MGAT4C: variants seen among roughly 807,000 people sequenced by gnomAD.
The protein encoded by MGAT4C is alpha-1,3-mannosyl-glycoprotein 4-beta-N-acetylglucosaminyltransferase C.
Under a neutral mutation model 40.1 loss-of-function variants are expected in MGAT4C, and 19 were observed. The ratio of observed to expected loss-of-function variants is 0.47; its 90% CI spans 0.33 to 0.70. The LOEUF (loss-of-function observed/expected upper bound fraction) is 0.70. Ranked by LOEUF, MGAT4C falls within the 30% of genes least tolerant of loss-of-function variation. MGAT4C has a pLI of 0.02. For synonymous variants in MGAT4C, 181 were observed against 187.1 expected, an observed-to-expected ratio of 0.97 and a Z score of 0.27; for missense variants, 491 against 563.2, an observed-to-expected ratio of 0.87 and a Z score of 1.30.
At position 85,965,424 on chromosome 12, in the gene MGAT4C, C is replaced by T. The variant is rs746553265; in HGVS notation, c.*13865G>A. 1 of 151,712 alleles carries T rather than the reference C, an allele frequency of 6.6e-6. No homozygotes were observed. Among genetic ancestry groups the T allele is most frequent in the Non-Finnish European group, 1.5e-5 (1 of 68,020 alleles). The allele number at this position is 151,712 out of a possible 1,614,324, so 9.4% of individuals were successfully genotyped here. A position where few individuals can be genotyped will look rare whatever the true frequency, so the allele number is the denominator to read the frequency against. On this transcript the variant is annotated 3_prime_UTR_variant, in exon 5 of 5. Transcript: ENST00000611864. ...CATCCTGGCTAACAAGGTGAAACCC[C>T]GTCTCTACTAAAAATACAAAAAATT... is the stretch of plus-strand genomic sequence containing the variant.
chr12:86,526,688 T>C (rs1184489899), intron 2 of MGAT4C, among the ~76,000 whole-genome samples: 1 of 152,152 alleles, frequency 6.6e-6, no homozygotes, highest in Admixed American at 6.5e-5. Flanking sequence ...ACAGTTTCCC[T>C]AGGACTAAAG....
chr12:86,621,298 C>G (rs1962628829), intron 2 of MGAT4C, among the ~76,000 whole-genome samples: 1 of 152,004 alleles, frequency 6.6e-6, no homozygotes, highest in South Asian at 2.1e-4. Context: ...AAATAGACAT[C>G]TGGACAAAAT....
chr12:86,508,600 T>G (rs755173153), intron 2 of MGAT4C, among the ~76,000 whole-genome samples: 1 of 152,032 alleles, frequency 6.6e-6, no homozygotes, highest in Non-Finnish European at 1.5e-5. Context: ...GGTCAAATGG[T>G]ATTTCTAGTT....
chr12:86,131,368 G>T (rs923662696), intron 1 of MGAT4C, among the ~76,000 whole-genome samples: 3 of 151,928 alleles, frequency 2.0e-5, no homozygotes, highest in Admixed American at 6.6e-5. Context: ...TCTTCATAGG[G>T]TGAGTTTTCT....
At chr12:86,526,233 G>A (rs976694240) in intron 2 of MGAT4C, among the ~76,000 whole-genome samples, 7 of 152,108 alleles carry the variant, frequency 4.6e-5, no homozygotes, top group African/African-American at 1.7e-4. Context: ...GCTGGCAGGA[G>A]CAGGGTTGGC....
At chr12:86,702,863 TAG>T (rs1950387631) in intron 2 of MGAT4C, among the ~76,000 whole-genome samples, 1 of 152,194 alleles carries the variant, frequency 6.6e-6, no homozygotes, top group Non-Finnish European at 1.5e-5. Flanking sequence ...ATATCTTCTA[TAG>T]AGAGAGAATC....
intron 2 of MGAT4C, among the ~76,000 whole-genome samples, chr12:86,633,923 T>A (rs1488615369): frequency 3.3e-5 from 5 of 152,034 alleles, no homozygotes. Context: ...GTTTTTTTTT[T>A]ATTATCGCAA....
intron 4 of MGAT4C, among the ~76,000 whole-genome samples, chr12:86,327,475 T>G (rs1240243809): frequency 1.3e-5 from 2 of 152,092 alleles, no homozygotes; most frequent in Non-Finnish European, 2.9e-5. Context: ...CTTAAAGCTG[T>G]GTAAACCTGG....
intron 2 of MGAT4C, among the ~76,000 whole-genome samples, chr12:86,564,232 A>G (rs1959990037): frequency 6.6e-6 from 1 of 152,172 alleles, no homozygotes; most frequent in Non-Finnish European, 1.5e-5. Context: ...CTGTAGCAGT[A>G]GTTTCATTTT....
chr12:86,194,033 G>T (rs1318349656), intron 1 of MGAT4C, among the ~76,000 whole-genome samples: 1 of 151,582 alleles, frequency 6.6e-6, no homozygotes, highest in African/African-American at 2.4e-5. Context: ...TAAACCTTTT[G>T]ATCATGTCTA....
chr12:86,186,948 G>T (rs954089494), intron 1 of MGAT4C, among the ~76,000 whole-genome samples: 5 of 152,136 alleles, frequency 3.3e-5, no homozygotes, highest in African/African-American at 9.7e-5. Context: ...TAGCAGGCCA[G>T]CTTGGCAGCC....
intron 3 of MGAT4C, among the ~76,000 whole-genome samples, chr12:86,362,707 CAAAAA>C (rs371798887): frequency 6.8e-6 from 1 of 147,380 alleles, no homozygotes; most frequent in East Asian, 2.0e-4. Context: ...ACTAAAAATA[CAAAAA>C]AAAAATTAGC....
At chr12:86,438,245 A>G (rs1465352601) in intron 2 of MGAT4C, among the ~76,000 whole-genome samples, 2 of 152,024 alleles carry the variant, frequency 1.3e-5, no homozygotes, top group Admixed American at 1.3e-4. Flanking sequence ...ACCAGCCACA[A>G]TATCCACTTA....
chr12:86,438,045 G>C (rs2136275331), intron 2 of MGAT4C, among the ~76,000 whole-genome samples: 1 of 152,044 alleles, frequency 6.6e-6, no homozygotes, highest in East Asian at 1.9e-4. Flanking sequence ...ATTAACTTTA[G>C]TGAGGAAGGC....
chr12:86,082,559 G>A (rs1317213962), intron 1 of MGAT4C, among the ~76,000 whole-genome samples: 1 of 151,942 alleles, frequency 6.6e-6, no homozygotes, highest in Non-Finnish European at 1.5e-5. Context: ...CCATCTTCAG[G>A]GAAAAGAGAA....
chr12:86,829,345 G>A (rs1183151522), intron 1 of MGAT4C, among the ~76,000 whole-genome samples: 1 of 151,264 alleles, frequency 6.6e-6, no homozygotes, highest in Non-Finnish European at 1.5e-5. Context: ...ATCCTTCCAA[G>A]CCTCTAAAAG....
intron 2 of MGAT4C, among the ~76,000 whole-genome samples, chr12:86,524,695 A>T (rs1489648693): frequency 6.6e-6 from 1 of 152,112 alleles, no homozygotes; most frequent in Non-Finnish European, 1.5e-5. Context: ...CTTCTTTTTC[A>T]GGGACACCAA....
chr12:86,328,290 T>C (rs1175043054), intron 4 of MGAT4C, among the ~76,000 whole-genome samples: 1 of 152,146 alleles, frequency 6.6e-6, no homozygotes, highest in Non-Finnish European at 1.5e-5. Flanking sequence ...AAATCAATTA[T>C]TACCACTGTG....
At chr12:86,701,847 T>A (rs2136616455) in intron 2 of MGAT4C, among the ~76,000 whole-genome samples, 1 of 152,248 alleles carries the variant, frequency 6.6e-6, no homozygotes, top group South Asian at 2.1e-4. Flanking sequence ...TTAAACAGCC[T>A]TATTGGTGAT....
Sources: allele counts gnomAD v4.1 joint callset (sites outside exome capture counted in the v4.1 genomes callset), GRCh38; gene constraint gnomAD v4.1.1; transcripts MANE v1.5; gene names NCBI Gene and HGNC (gene_info 2026-07-23, HGNC 2026-07-21).